RBFOX1: variants seen among roughly 807,000 people sequenced by gnomAD.
RBFOX1 encodes RNA binding protein fox-1 homolog 1.
A neutral mutation model predicts 57.7 loss-of-function variants in RBFOX1; 8 were observed. That is an observed-to-expected ratio of 0.14 (90% CI 0.08 to 0.25). RBFOX1 has a LOEUF of 0.25. Ranked by LOEUF, RBFOX1 falls within the 10% of genes least tolerant of loss-of-function variation. The pLI is 1.00. For synonymous variants in RBFOX1, 326 were observed against 222.4 expected (o/e 1.47, Z -4.15); for missense variants, 611 against 548.5 (o/e 1.11, Z -1.14).
chr16:7,592,207 T>A (rs1179054146), intron 7 of RBFOX1, among the ~76,000 whole-genome samples: 1 of 152,146 alleles, frequency 6.6e-6, no homozygotes, highest in Non-Finnish European at 1.5e-5. Context: ...GAGAAAGAAG[T>A]TTCGCAGAAA....
intron 3 of RBFOX1, among the ~76,000 whole-genome samples, chr16:7,000,239 ATTC>A: frequency 1.3e-5 from 2 of 152,272 alleles, no homozygotes; most frequent in South Asian, 4.1e-4. Context: ...ATAAGCAAGC[ATTC>A]TATCATTGTT....
intron 3 of RBFOX1, among the ~76,000 whole-genome samples, chr16:6,997,134 C>G (rs1020310104): frequency 6.6e-6 from 1 of 152,040 alleles, no homozygotes; most frequent in African/African-American, 2.4e-5. Context: ...TTACAACTCT[C>G]AATAGTTGTC....
At chr16:7,635,106 A>G (rs764034143) in intron 11 of RBFOX1, among the ~76,000 whole-genome samples, 1 of 152,174 alleles carries the variant, frequency 6.6e-6, no homozygotes, top group African/African-American at 2.4e-5. Flanking sequence ...TGTTTTGCAT[A>G]TGGCGAATGC....
intron 4 of RBFOX1, among the ~76,000 whole-genome samples, chr16:7,116,716 G>A (rs2065978323): frequency 6.6e-6 from 1 of 152,168 alleles, no homozygotes; most frequent in Admixed American, 6.5e-5. Flanking sequence ...TAAGGTACGT[G>A]GAGACAGACA....
At chr16:7,084,966 C>G (rs1478711) in intron 4 of RBFOX1, among the ~76,000 whole-genome samples, 1 of 151,978 alleles carries the variant, frequency 6.6e-6, no homozygotes, top group Admixed American at 6.6e-5. Flanking sequence ...ATGTATCTGT[C>G]TGTCTGTCTG....
intron 3 of RBFOX1, among the ~76,000 whole-genome samples, chr16:5,810,867 A>T (rs1347369347): frequency 2.0e-5 from 3 of 152,172 alleles, no homozygotes; most frequent in African/African-American, 7.2e-5. Flanking sequence ...AGAAAAAAAA[A>T]TTATTAAGTT....
chr16:6,920,706 T>G (rs1177653599), intron 3 of RBFOX1, among the ~76,000 whole-genome samples: 2 of 152,332 alleles, frequency 1.3e-5, no homozygotes, highest in Admixed American at 6.5e-5. Flanking sequence ...TGGCACCCCT[T>G]GGCTTGTGGC....
In RBFOX1 at chr16:7,092,369, G is replaced by C. The variant is rs551580941; in HGVS notation, c.27+40271G>C. On this transcript the variant is annotated intron_variant, in intron 4 of 15. Coordinates refer to ENST00000550418, the MANE Select transcript of RBFOX1 (RefSeq NM_018723.4). ...GAAGAAGGAAAAACAAAGCCTCTGA[G>C]AGGAAATACTCTGTTTCAAAAAATG... Among the ~76,000 whole-genome samples the C allele has an allele frequency of 9.8e-5, 15 of 152,296 alleles. No individual in the cohort carries two copies. The South Asian group carries it at 1.2e-3, about 13-fold the overall frequency.
intron 4 of RBFOX1, among the ~76,000 whole-genome samples, chr16:5,881,674 C>A (rs2057766979): frequency 6.6e-6 from 1 of 151,810 alleles, no homozygotes; most frequent in South Asian, 2.1e-4. Context: ...AGCAAGACTC[C>A]ATCTCAAAAA....
chr16:5,495,369 T>A (rs1597296087), intron 2 of RBFOX1, among the ~76,000 whole-genome samples: 1 of 152,178 alleles, frequency 6.6e-6, no homozygotes, highest in Non-Finnish European at 1.5e-5. Flanking sequence ...TTGCAGACTT[T>A]TAAACAACCA....
At chr16:6,738,059 T>C (rs1603482645) in intron 3 of RBFOX1, among the ~76,000 whole-genome samples, 2 of 146,222 alleles carry the variant, frequency 1.4e-5, no homozygotes, top group African/African-American at 4.9e-5. Flanking sequence ...ACTTGTCTCT[T>C]TTTTTTTTGC....
chr16:7,396,756 A>C (rs542334702), intron 4 of RBFOX1, among the ~76,000 whole-genome samples: 1 of 152,276 alleles, frequency 6.6e-6, no homozygotes, highest in South Asian at 2.1e-4. Flanking sequence ...CCTTGCCAAC[A>C]CTATGAAACT....
chr16:5,870,682 T>C (rs2057449029), intron 4 of RBFOX1, among the ~76,000 whole-genome samples: 1 of 151,740 alleles, frequency 6.6e-6, no homozygotes, highest in Non-Finnish European at 1.5e-5. Flanking sequence ...CCACATCATA[T>C]TTTTTTTCAT....
intron 2 of RBFOX1, among the ~76,000 whole-genome samples, chr16:5,504,754 C>T (rs1163557457): frequency 6.6e-6 from 1 of 152,184 alleles, no homozygotes; most frequent in African/African-American, 2.4e-5. Flanking sequence ...CCTCACCAGC[C>T]CCACCTTCAG....
chr16:6,631,583 T>C (rs2098385727), intron 2 of RBFOX1, among the ~76,000 whole-genome samples: 1 of 152,136 alleles, frequency 6.6e-6, no homozygotes, highest in African/African-American at 2.4e-5. Context: ...GGAAAGTCTC[T>C]GCTTTCATGG....
chr16:6,072,074 G>A (rs1486295583), intron 1 of RBFOX1, among the ~76,000 whole-genome samples: 3 of 152,164 alleles, frequency 2.0e-5, no homozygotes, highest in African/African-American at 7.2e-5. Context: ...CACAGGGCTG[G>A]GGAGACCTCA....
At chr16:6,344,401 TTTTTTC>T (rs1222153255) in intron 2 of RBFOX1, among the ~76,000 whole-genome samples, 1 of 101,932 alleles carries the variant, frequency 9.8e-6, no homozygotes, top group Admixed American at 9.6e-5. Flanking sequence ...CTTTTTTCTT[TTTTTTC>T]TTTTTTTTTT....
chr16:7,334,649 C>T (rs1338849056), intron 4 of RBFOX1, among the ~76,000 whole-genome samples: 1 of 152,130 alleles, frequency 6.6e-6, no homozygotes, highest in Non-Finnish European at 1.5e-5. Flanking sequence ...TAATGGACTC[C>T]AGAGCTTGTT....
intron 5 of RBFOX1, among the ~76,000 whole-genome samples, chr16:7,531,735 A>G (rs1273133270): frequency 6.6e-6 from 1 of 152,180 alleles, no homozygotes; most frequent in Non-Finnish European, 1.5e-5. Context: ...ATTTTGTGTG[A>G]TTACCCCGTT....
Sources: gnomAD v4.1 joint callset for allele counts (sites outside exome capture counted in the v4.1 genomes callset) on GRCh38, gnomAD v4.1.1 for gene constraint, MANE v1.5 for transcripts, NCBI Gene and HGNC (gene_info 2026-07-23, HGNC 2026-07-21) for gene names.